EPHA5: variants seen among roughly 807,000 people sequenced by gnomAD.
The protein encoded by EPHA5 is ephrin type-A receptor 5.
EPHA5 carries 60 observed loss-of-function variants against 105.0 expected under a neutral mutation model. The observed-to-expected ratio is 0.57, with a 90% CI of 0.46 to 0.71. EPHA5 has a LOEUF of 0.71. EPHA5 is among the 30% of genes least tolerant of loss of function. The pLI is 0.00. For missense variants in EPHA5, 1,218 were observed against 1,274.7 expected (o/e 0.96, Z 0.68); for synonymous variants, 513 against 449.1 (o/e 1.14, Z -1.80).
chr4:65,361,665 T>G (rs1717335575), intron 11 of EPHA5, among the ~76,000 whole-genome samples: 1 of 151,724 alleles, frequency 6.6e-6, no homozygotes, highest in Non-Finnish European at 1.5e-5. Context: ...AAGTCAAAAC[T>G]GTCTAGCAGT....
At chr4:65,632,376 A>G (rs946488136) in intron 2 of EPHA5, among the ~76,000 whole-genome samples, 1 of 151,624 alleles carries the variant, frequency 6.6e-6, no homozygotes, top group Admixed American at 6.6e-5. Flanking sequence ...GAGGACAGAA[A>G]CTGAGTCCTG....
intron 14 of EPHA5, among the ~76,000 whole-genome samples, chr4:65,338,774 A>T (rs769960526): frequency 3.9e-4 from 60 of 152,026 alleles, no homozygotes; most frequent in Non-Finnish European, 6.9e-4. Context: ...TCCATTTCTA[A>T]TGATTCTTTA....
rs528109901 is a variant in EPHA5, at chr4:65,631,344, T to G, written c.246+12019A>C. ...TACCAAGAAAAGTGCCAGAGTGACT[T>G]TTGGTAAAACCATTCAAGGGTTTAT... On this transcript the variant is annotated intron_variant, in intron 2 of 16. Transcript: ENST00000613740. 2.0e-5 allele frequency among the ~76,000 whole-genome samples: 3 copies of G among 152,290 alleles called. No individual in the cohort carries two copies. The East Asian group carries it at 5.8e-4, about 29-fold the overall frequency.
chr4:65,390,874 G>C (rs933795143), intron 8 of EPHA5, among the ~76,000 whole-genome samples: 2 of 151,990 alleles, frequency 1.3e-5, no homozygotes, highest in Admixed American at 6.6e-5. Flanking sequence ...GAGACAGTAC[G>C]GGAATTTTGG....
intron 12 of EPHA5, among the ~76,000 whole-genome samples, chr4:65,352,484 C>T (rs1245342531): frequency 6.6e-6 from 1 of 152,068 alleles, no homozygotes; most frequent in Middle Eastern, 3.4e-3. Flanking sequence ...TAGAGATTTG[C>T]ACATGAAGAA....
In EPHA5 at chr4:65,458,980, T is replaced by C. The variant is rs181132934; in HGVS notation, c.1402+31397A>G. Reference sequence around the variant, plus strand: ...TAAGTGCTTAGTCACACAGTGATGATGCATGTGAATTTTCACACCTGTTAT... The same window carrying C: ...TAAGTGCTTAGTCACACAGTGATGACGCATGTGAATTTTCACACCTGTTAT... On this transcript the variant is annotated intron_variant, in intron 5 of 16. Coordinates refer to ENST00000613740, the MANE Select transcript of EPHA5 (RefSeq NM_001281766.3). 3.9e-5 allele frequency among the ~76,000 whole-genome samples: 6 copies of C among 152,150 alleles called. No individual in the cohort carries two copies. In the East Asian group the frequency reaches 1.2e-3, roughly 29 times the overall value.
intron 4 of EPHA5, among the ~76,000 whole-genome samples, chr4:65,491,449 G>A (rs544742062): frequency 7.2e-5 from 11 of 151,970 alleles, no homozygotes; most frequent in South Asian, 2.1e-4. Context: ...GAATAAAAGC[G>A]TTCAGATTTT....
chr4:65,621,029 AT>A (rs371771691), intron 2 of EPHA5, among the ~76,000 whole-genome samples: 7 of 152,034 alleles, frequency 4.6e-5, no homozygotes, highest in African/African-American at 1.7e-4. Flanking sequence ...CCAAGTTACC[AT>A]TTTTTTCCAT....
intron 3 of EPHA5, among the ~76,000 whole-genome samples, chr4:65,561,146 G>T (rs533740217): frequency 9.3e-5 from 14 of 151,236 alleles, no homozygotes; most frequent in Admixed American, 5.9e-4. Context: ...AATTTCCTCC[G>T]TACCAACTGT....
chr4:65,338,795 G>A (rs1023530709), intron 14 of EPHA5, among the ~76,000 whole-genome samples: 1 of 151,690 alleles, frequency 6.6e-6, no homozygotes, highest in Non-Finnish European at 1.5e-5. Context: ...TAATAGTTTT[G>A]GGGGAAATAG....
Position 65,531,865 on chromosome 4 carries a change from G to A in EPHA5, c.911-36322C>T, listed in dbSNP as rs192819883. Among the ~76,000 whole-genome samples, 356 of 152,266 alleles carry A rather than the reference G, an allele frequency of 2.3e-3. 4 individuals carry two copies. Among genetic ancestry groups the A allele is most frequent in the Non-Finnish European group, 1.8e-3 (124 of 68,018 alleles). On this transcript the variant is annotated intron_variant, in intron 3 of 16. Transcript: ENST00000613740. ...AAATAAATAAATTTCACCTACCTAG[G>A]TCTTTGGGCTTTCACTTGTATTAAG...
intron 15 of EPHA5, 148 bp downstream of exon 15, chr4:65,335,784 T>C: frequency 1.5e-6 from 1 of 677,638 alleles, no homozygotes; most frequent in Non-Finnish European, 2.3e-6. Flanking sequence ...TGTAAGAGAG[T>C]AGCATGCAAA....
chr4:65,352,710 T>C (rs1722931457), intron 12 of EPHA5, among the ~76,000 whole-genome samples: 1 of 151,922 alleles, frequency 6.6e-6, no homozygotes, highest in Non-Finnish European at 1.5e-5. Flanking sequence ...TAAGACCTTA[T>C]TTTTTCCTTT....
At chr4:65,476,331 G>C (rs1237611253) in intron 5 of EPHA5, among the ~76,000 whole-genome samples, 1 of 152,010 alleles carries the variant, frequency 6.6e-6, no homozygotes, top group East Asian at 1.9e-4. Context: ...TTTATCTCTA[G>C]AATGGGTTCA....
At chr4:65,577,746 A>G (rs1741206101) in intron 3 of EPHA5, among the ~76,000 whole-genome samples, 1 of 152,174 alleles carries the variant, frequency 6.6e-6, no homozygotes, top group Admixed American at 6.5e-5. Flanking sequence ...CCTGGATTCT[A>G]AAATATCAGT....
At chr4:65,484,636 A>G (rs1296045138) in intron 5 of EPHA5, among the ~76,000 whole-genome samples, 1 of 152,156 alleles carries the variant, frequency 6.6e-6, no homozygotes, top group Admixed American at 6.6e-5. Context: ...GTACCTTGGC[A>G]TGTTAATTAT....
chr4:65,333,432 A>C (rs1720839776), intron 15 of EPHA5, among the ~76,000 whole-genome samples: 1 of 151,466 alleles, frequency 6.6e-6, no homozygotes, highest in South Asian at 2.1e-4. Context: ...CCTCTTGGAA[A>C]CATTCAGCCA....
At chr4:65,629,668 C>T (rs1419166180) in intron 2 of EPHA5, among the ~76,000 whole-genome samples, 1 of 152,126 alleles carries the variant, frequency 6.6e-6, no homozygotes, top group African/African-American at 2.4e-5. Flanking sequence ...CTAAGAGACA[C>T]TAATTGAGAT....
At position 65,367,393 on chromosome 4, in the gene EPHA5, G is replaced by A. The variant is rs2148896395; in HGVS notation, c.1825C>T (p.Pro609Ser). ...RCGYSKAKQD[P>S]EEEKMHFHNG... ...TGAAAATGCATCTTTTCCTCTTCTGGATCTTGTTTTGCTTTGCTGTAGCCA... is the reference window on the plus strand; with the variant it reads ...TGAAAATGCATCTTTTCCTCTTCTGAATCTTGTTTTGCTTTGCTGTAGCCA... Residue 609 changes from proline to serine, a missense_variant, in exon 9 of 17, where the codon CCA becomes TCA. Pro to Ser is a moderately conservative substitution (Grantham distance 74). Around this residue, in one of 3 missense-constraint regions of EPHA5, gnomAD observed 971 missense variants for 1,013.5 expected, o/e 0.96. Coordinates refer to ENST00000613740, the MANE Select transcript of EPHA5 (RefSeq NM_001281766.3). 6.2e-7 allele frequency: 1 copy of A among 1,611,718 alleles called. No homozygotes were observed. The highest frequency in any genetic ancestry group is 1.1e-5 in the South Asian group (1 of 91,020).
Sources: allele counts gnomAD v4.1 joint callset (sites outside exome capture counted in the v4.1 genomes callset), GRCh38; gene constraint gnomAD v4.1.1; regional missense constraint gnomAD v4.1.1; transcripts MANE v1.5; gene names NCBI Gene and HGNC (gene_info 2026-07-23, HGNC 2026-07-21).